The following SLC22A23 variants were observed in gnomAD, a reference collection of about 807,000 sequenced individuals.
SLC22A23 encodes solute carrier family 22 member 23.
SLC22A23 carries 26 observed loss-of-function variants against 61.0 expected under a neutral mutation model. The ratio of observed to expected loss-of-function variants is 0.43; its 90% confidence interval spans 0.31 to 0.59. The LOEUF is 0.59. SLC22A23 is among the 20% of genes least tolerant of loss of function. SLC22A23 has a pLI of 0.11. For synonymous variants in SLC22A23, 430 were observed against 413.9 expected (o/e 1.04, Z -0.47); for missense variants, 796 against 934.7 (o/e 0.85, Z 1.94).
At chr6:3,285,151 CCAAG>C in intron 7 of SLC22A23, 40 bp from the exon 8 acceptor site, 2 of 1,611,880 alleles carry the variant, frequency 1.2e-6, no homozygotes, top group Non-Finnish European at 1.7e-6. Context: ...CGGACAAGGG[CCAAG>C]CAAGCGAGAA....
At chr6:3,417,074 T>C (rs1769768062) in intron 1 of SLC22A23, among the ~76,000 whole-genome samples, 2 of 152,208 alleles carry the variant, frequency 1.3e-5, no homozygotes, top group South Asian at 4.2e-4. Context: ...TCCAGAGCCT[T>C]ATCGAGGCCC....
At chr6:3,433,336 G>A (rs988564251) in intron 1 of SLC22A23, among the ~76,000 whole-genome samples, 16 of 152,110 alleles carry the variant, frequency 1.1e-4, no homozygotes, top group Admixed American at 8.5e-4. Flanking sequence ...CAGCCCTAGG[G>A]AGTGAGTCCC....
At position 3,446,996 on chromosome 6, in the gene SLC22A23, T is replaced by TC. The variant is rs200908705; in HGVS notation, c.654+8909dup. On this transcript the variant is annotated intron_variant, in intron 1 of 9. Coordinates refer to ENST00000406686, the MANE Select transcript of SLC22A23 (RefSeq NM_015482.2). ...CCTGTGCACTCAGCACAGCCTCCCCTCCCCACCACGCGAGATCTCACTGCA... is the reference window on the plus strand; with the variant it reads ...CCTGTGCACTCAGCACAGCCTCCCCTCCCCCACCACGCGAGATCTCACTGCA... Among the ~76,000 whole-genome samples, 10 of 150,480 alleles carry TC rather than the reference T, an allele frequency of 6.6e-5. No homozygotes were observed. In the East Asian group the frequency reaches 2.0e-3, roughly 30 times the overall value.
At chr6:3,446,791 C>T (rs958116883) in intron 1 of SLC22A23, among the ~76,000 whole-genome samples, 4 of 152,362 alleles carry the variant, frequency 2.6e-5, no homozygotes, top group Admixed American at 6.5e-5. Context: ...CTCCATCGTA[C>T]GTGCGGTGTT....
chr6:3,382,824 G>A (rs1767040054), intron 3 of SLC22A23, among the ~76,000 whole-genome samples: 1 of 152,242 alleles, frequency 6.6e-6, no homozygotes, highest in Admixed American at 6.5e-5. Context: ...ATTATAGCAA[G>A]GGAAGGTGTA....
chr6:3,422,721 C>T (rs996933213), intron 1 of SLC22A23, among the ~76,000 whole-genome samples: 2 of 152,126 alleles, frequency 1.3e-5, no homozygotes, highest in Non-Finnish European at 2.9e-5. Context: ...TTTCTCTTTT[C>T]AATTTTGTTT....
chr6:3,278,315 G>C (rs1187349979), intron 9 of SLC22A23, among the ~76,000 whole-genome samples: 2 of 152,200 alleles, frequency 1.3e-5, no homozygotes, highest in Non-Finnish European at 2.9e-5. Context: ...CCCAGGGAGA[G>C]GCTGAAAGAG....
intron 4 of SLC22A23, among the ~76,000 whole-genome samples, chr6:3,320,379 C>T (rs1762878408): frequency 6.6e-6 from 1 of 152,186 alleles, no homozygotes; most frequent in Admixed American, 6.5e-5. Flanking sequence ...CCCAAGAAGC[C>T]GCCCCTTGGG....
rs1230976628 is a variant in SLC22A23, at chr6:3,309,598, A to G, written c.1083-11380T>C. 6.6e-6 allele frequency among the ~76,000 whole-genome samples: 1 copy of G among 151,898 alleles called. No individual in the cohort carries two copies. The highest frequency in any genetic ancestry group is 2.4e-5 in the African/African-American group (1 of 41,332). On this transcript the variant is annotated intron_variant, in intron 4 of 9. Coordinates refer to ENST00000406686, the MANE Select transcript of SLC22A23 (RefSeq NM_015482.2). This position sits in a 1 kb window ranked among gnomAD's most constrained non-coding sequence, Gnocchi z 4.7. ...GACGAGCAGGTGGCACCTGACCATA[A>G]TAAGGACTGTGGGCTGACGAGCAGG... is the stretch of plus-strand genomic sequence containing the variant.
intron 3 of SLC22A23, among the ~76,000 whole-genome samples, chr6:3,375,469 A>G (rs908545606): frequency 6.6e-6 from 1 of 152,242 alleles, no homozygotes; most frequent in African/African-American, 2.4e-5. Context: ...TGACTATGGT[A>G]GTGGTGCACT....
intron 4 of SLC22A23, among the ~76,000 whole-genome samples, chr6:3,301,628 G>A (rs1761616343): frequency 1.3e-5 from 2 of 152,186 alleles, no homozygotes; most frequent in African/African-American, 2.4e-5. Context: ...AGCAGAGGAG[G>A]AGCTGCAGCC....
At chr6:3,290,118 G>A in intron 5 of SLC22A23, 1 of 547,408 alleles carries the variant, frequency 1.8e-6, no homozygotes. Flanking sequence ...GTCAGCAGAA[G>A]TTTCCATCAC....
At chr6:3,301,543 G>A (rs943831257) in intron 4 of SLC22A23, among the ~76,000 whole-genome samples, 5 of 152,096 alleles carry the variant, frequency 3.3e-5, no homozygotes, top group Admixed American at 6.5e-5. Flanking sequence ...TATATCAAAC[G>A]CTTACGGAAC....
intron 1 of SLC22A23, among the ~76,000 whole-genome samples, chr6:3,442,566 A>C (rs1581899130): frequency 6.6e-6 from 1 of 152,322 alleles, no homozygotes; most frequent in East Asian, 1.9e-4. Context: ...CAATTTGTAA[A>C]GCATCTTGTA....
intron 3 of SLC22A23, among the ~76,000 whole-genome samples, chr6:3,367,470 C>T (rs1765910353): frequency 6.6e-6 from 1 of 152,228 alleles, no homozygotes; most frequent in Non-Finnish European, 1.5e-5. Context: ...GCCTTAGGAA[C>T]AGGCTTCTGC....
At chr6:3,293,439 C>T (rs532124675) in intron 5 of SLC22A23, among the ~76,000 whole-genome samples, 28 of 152,302 alleles carry the variant, frequency 1.8e-4, no homozygotes, top group African/African-American at 6.3e-4. Context: ...AGAATGGGGC[C>T]ACTCGGCCAC....
At chr6:3,415,881 A>G in intron 1 of SLC22A23, 26 bp from the exon 2 acceptor site, 1 of 1,489,814 alleles carries the variant, frequency 6.7e-7, no homozygotes. Context: ...TAGAAAATAA[A>G]TCAGAGAGAA....
chr6:3,439,231 G>T (rs530643621), intron 1 of SLC22A23: 1 of 400,774 alleles, frequency 2.5e-6, no homozygotes, highest in East Asian at 7.3e-5. Flanking sequence ...TGCCCCCAAA[G>T]GTGTGACAAC....
At chr6:3,405,304 C>T (rs1390129783) in intron 3 of SLC22A23, among the ~76,000 whole-genome samples, 7 of 152,018 alleles carry the variant, frequency 4.6e-5, no homozygotes, top group South Asian at 2.1e-4. Flanking sequence ...CTTCGGTAAA[C>T]TCTGACTCAT....
Sources: allele counts gnomAD v4.1 joint callset (sites outside exome capture counted in the v4.1 genomes callset), GRCh38; gene constraint gnomAD v4.1.1; non-coding constraint Gnocchi (gnomAD v3.1); transcripts MANE v1.5; gene names NCBI Gene and HGNC (gene_info 2026-07-23, HGNC 2026-07-21).